The following NALF1 variants were observed in gnomAD, a reference collection of about 807,000 sequenced individuals.
NALF1 encodes the protein NALCN channel auxiliary factor 1, also known as family with sequence similarity 155 member A.
NALF1 carries 3 observed loss-of-function variants against 48.4 expected under a neutral mutation model. That is an observed-to-expected ratio of 0.06 (90% CI 0.03 to 0.16). The LOEUF (loss-of-function observed/expected upper bound fraction) is 0.16, where lower values mean the gene tolerates loss of function less well. Ranked by LOEUF, NALF1 falls within the 10% of genes least tolerant of loss-of-function variation. The pLI is 1.00. For synonymous variants in NALF1, 262 were observed against 245.7 expected (o/e 1.07, Z -0.62); for missense variants, 526 against 571.5 (o/e 0.92, Z 0.81).
At chr13:107,829,205 C>T (rs2138625192) in intron 1 of NALF1, among the ~76,000 whole-genome samples, 1 of 152,308 alleles carries the variant, frequency 6.6e-6, no homozygotes, top group East Asian at 1.9e-4. Context: ...GTGAGAATGA[C>T]ATGGATGTGA....
rs189685179 is a variant in NALF1, at chr13:107,582,469, A to T, written c.915+283213T>A. 9.1e-4 allele frequency among the ~76,000 whole-genome samples: 138 copies of T among 152,332 alleles called. 1 individual carries two copies. Among genetic ancestry groups the T allele is most frequent in the Non-Finnish European group, 1.8e-3 (122 of 68,030 alleles). On this transcript the variant is annotated intron_variant, in intron 1 of 2. Transcript: ENST00000375915. ...AAGGCTGAGAACATTCCAGTTCCAAAAGATAACCCTTGCAAACTATCCAGG... is the reference window on the plus strand; with the variant it reads ...AAGGCTGAGAACATTCCAGTTCCAATAGATAACCCTTGCAAACTATCCAGG...
chr13:107,552,152 T>A (rs1877311567), intron 1 of NALF1, among the ~76,000 whole-genome samples: 2 of 152,174 alleles, frequency 1.3e-5, no homozygotes, highest in African/African-American at 4.8e-5. Flanking sequence ...GAGTTAGAAA[T>A]TAATTCTGAG....
At chr13:107,637,350 A>G (rs1291431868) in intron 1 of NALF1, among the ~76,000 whole-genome samples, 3 of 152,060 alleles carry the variant, frequency 2.0e-5, no homozygotes, top group African/African-American at 7.2e-5. Flanking sequence ...AATTTTTATT[A>G]TATTTCTCCT....
intron 1 of NALF1, among the ~76,000 whole-genome samples, chr13:107,753,841 C>T (rs1877009496): frequency 6.6e-6 from 1 of 152,162 alleles, no homozygotes; most frequent in Non-Finnish European, 1.5e-5. Flanking sequence ...GTTCAAAAAG[C>T]TAATGGTACA....
intron 1 of NALF1, among the ~76,000 whole-genome samples, chr13:107,548,031 C>G (rs1054752272): frequency 6.6e-6 from 1 of 151,890 alleles, no homozygotes; most frequent in African/African-American, 2.4e-5. Flanking sequence ...TATAGGTGAA[C>G]TCGTGTCACA....
At position 107,604,717 on chromosome 13, in the gene NALF1, T is replaced by G. The variant is rs981130561; in HGVS notation, c.915+260965A>C. On this transcript the variant is annotated intron_variant, in intron 1 of 2. Coordinates refer to ENST00000375915, the MANE Select transcript of NALF1 (RefSeq NM_001080396.3). The stretch of plus-strand genomic sequence containing the variant: ...ATTTAAGCTCACAGTATGAAACTTA[T>G]CTCAGAATAATTTCTGTGCTACTTC... Among the ~76,000 whole-genome samples the G allele has an allele frequency of 2.0e-5, 3 of 152,178 alleles. No homozygotes were observed. The South Asian group carries it at 6.2e-4, about 32-fold the overall frequency.
chr13:107,469,727 G>T, intron 1 of NALF1, among the ~76,000 whole-genome samples: 1 of 132,368 alleles, frequency 7.6e-6, no homozygotes, highest in Non-Finnish European at 1.6e-5. Context: ...TGAGTCAACT[G>T]TGTATCTTTT....
At chr13:107,298,386 A>AGAC (rs1881768057) in intron 1 of NALF1, among the ~76,000 whole-genome samples, 1 of 150,372 alleles carries the variant, frequency 6.7e-6, no homozygotes, top group African/African-American at 2.4e-5. Context: ...AAAAAGACAA[A>AGAC]AAGACACACA....
intron 1 of NALF1, among the ~76,000 whole-genome samples, chr13:107,310,389 G>A (rs1056037238): frequency 3.2e-4 from 46 of 143,936 alleles, no homozygotes; most frequent in African/African-American, 9.6e-4. Flanking sequence ...CAGCCAGGGA[G>A]ACAGAGCGAG....
intron 1 of NALF1, among the ~76,000 whole-genome samples, chr13:107,641,762 C>T (rs147585570): frequency 6.6e-6 from 1 of 152,126 alleles, no homozygotes; most frequent in Non-Finnish European, 1.5e-5. Context: ...CAACCTGAAC[C>T]GTGGCTGGGG....
intron 1 of NALF1, among the ~76,000 whole-genome samples, chr13:107,297,944 T>G (rs1881755444): frequency 6.6e-6 from 1 of 152,214 alleles, no homozygotes; most frequent in Non-Finnish European, 1.5e-5. Flanking sequence ...GAAGAGTTCC[T>G]GAACCATCAA....
intron 1 of NALF1, among the ~76,000 whole-genome samples, chr13:107,824,327 T>A (rs1000202942): frequency 6.6e-6 from 1 of 152,142 alleles, no homozygotes; most frequent in East Asian, 1.9e-4. Context: ...GTGCCTAACA[T>A]AGCCCCTGCA....
At chr13:107,617,987 T>C (rs1353893170) in intron 1 of NALF1, among the ~76,000 whole-genome samples, 2 of 152,312 alleles carry the variant, frequency 1.3e-5, no homozygotes, top group East Asian at 3.9e-4. Context: ...ATATATTTAT[T>C]GAGATAGTCC....
At chr13:107,718,216 C>A (rs10508186) in intron 1 of NALF1, among the ~76,000 whole-genome samples, 9,714 of 152,242 alleles carry the variant, frequency 0.064, 454 homozygotes, top group South Asian at 0.14. Flanking sequence ...TTCTTTCTCT[C>A]TGTTATGACC....
intron 1 of NALF1, among the ~76,000 whole-genome samples, chr13:107,798,146 A>G (rs2138593655): frequency 6.6e-6 from 1 of 152,298 alleles, no homozygotes; most frequent in East Asian, 1.9e-4. Context: ...ATTCTTTGGA[A>G]TATGGGGCGC....
chr13:107,293,347 G>T (rs2138884906), intron 1 of NALF1, among the ~76,000 whole-genome samples: 1 of 152,196 alleles, frequency 6.6e-6, no homozygotes, highest in Admixed American at 6.5e-5. Flanking sequence ...ATGTTGTTAG[G>T]CGGTGCGTGA....
At chr13:107,549,343 T>C (rs760839047) in intron 1 of NALF1, among the ~76,000 whole-genome samples, 2 of 152,212 alleles carry the variant, frequency 1.3e-5, no homozygotes, top group African/African-American at 4.8e-5. Context: ...TTCATATTTG[T>C]ATATTGAATA....
chr13:107,688,924 G>A (rs1355715671), intron 1 of NALF1, among the ~76,000 whole-genome samples: 2 of 152,282 alleles, frequency 1.3e-5, no homozygotes, highest in South Asian at 2.1e-4. Flanking sequence ...GTCTCGAAAC[G>A]GAGGTCACTG....
intron 1 of NALF1, among the ~76,000 whole-genome samples, chr13:107,537,344 A>T (rs1032088294): frequency 1.3e-5 from 2 of 152,158 alleles, no homozygotes; most frequent in African/African-American, 4.8e-5. Context: ...TATAACTGAG[A>T]TGTAATATTT....
Sources: allele counts gnomAD v4.1 joint callset (sites outside exome capture counted in the v4.1 genomes callset), GRCh38; gene constraint gnomAD v4.1.1; transcripts MANE v1.5; gene names NCBI Gene and HGNC (gene_info 2026-07-23, HGNC 2026-07-21).